Variants in TC2N observed in about 807,000 individuals in gnomAD.
TC2N encodes the protein tandem C2 domains, nuclear.
TC2N carries 51 observed loss-of-function variants against 61.9 expected under a neutral mutation model. The ratio of observed to expected loss-of-function variants is 0.82; its 90% confidence interval spans 0.66 to 1.04. The LOEUF is 1.04. TC2N is among the 50% of genes least tolerant of loss of function. TC2N has a pLI of 0.00. For missense variants in TC2N, 556 were observed against 566.7 expected (o/e 0.98, Z 0.19); for synonymous variants, 204 against 192.6 (o/e 1.06, Z -0.49).
chr14:91,847,193 G>T (rs1888288115), intron 1 of TC2N, among the ~76,000 whole-genome samples: 1 of 151,722 alleles, frequency 6.6e-6, no homozygotes, highest in African/African-American at 2.4e-5. Context: ...GGGAGGCAGA[G>T]GTTGCAGTGA....
At chr14:91,853,666 ACACACACAC>A (rs1888422210) in intron 1 of TC2N, among the ~76,000 whole-genome samples, 2 of 43,418 alleles carry the variant, frequency 4.6e-5, no homozygotes, top group Non-Finnish European at 9.8e-5. Flanking sequence ...ACACACACAC[ACACACACAC>A]ACACACACAC....
chr14:91,853,036 A>G (rs1888406166), intron 1 of TC2N, among the ~76,000 whole-genome samples: 1 of 152,192 alleles, frequency 6.6e-6, no homozygotes, highest in Non-Finnish European at 1.5e-5. Flanking sequence ...CCGCCACTGC[A>G]CTCCAGCCTG....
At chr14:91,864,446 T>C (rs10142528) in intron 1 of TC2N, among the ~76,000 whole-genome samples, 27,042 of 152,138 alleles carry the variant, frequency 0.18, 2,448 homozygotes, top group African/African-American at 0.21. Context: ...CCACACTCGC[T>C]TTAGGGATAA....
intron 1 of TC2N, among the ~76,000 whole-genome samples, chr14:91,831,961 T>C (rs1026633364): frequency 6.6e-6 from 1 of 152,106 alleles, no homozygotes; most frequent in Non-Finnish European, 1.5e-5. Context: ...CAACTATATA[T>C]AAAACGTGTT....
intron 1 of TC2N, among the ~76,000 whole-genome samples, chr14:91,852,915 C>A (rs1888403450): frequency 6.6e-6 from 1 of 151,830 alleles, no homozygotes; most frequent in Non-Finnish European, 1.5e-5. Context: ...ACTAAAAATA[C>A]AAAAAATTAG....
intron 1 of TC2N, among the ~76,000 whole-genome samples, chr14:91,831,022 T>G (rs190295216): frequency 1.8e-4 from 28 of 152,334 alleles, no homozygotes; most frequent in Admixed American, 1.6e-3. Context: ...ATATACCAAG[T>G]GCCTATTCAA....
At chr14:91,857,476 G>A (rs1888504991) in intron 1 of TC2N, among the ~76,000 whole-genome samples, 2 of 152,204 alleles carry the variant, frequency 1.3e-5, no homozygotes, top group South Asian at 4.1e-4. Flanking sequence ...CGTGAAGAAA[G>A]ATGTAGGGGC....
chr14:91,797,419 T>C (rs937180760), intron 8 of TC2N, among the ~76,000 whole-genome samples: 1 of 151,946 alleles, frequency 6.6e-6, no homozygotes, highest in Non-Finnish European at 1.5e-5. Flanking sequence ...GTTATACTAA[T>C]TGGAAATATT....
chr14:91,862,508 C>T (rs1050593204), intron 1 of TC2N, among the ~76,000 whole-genome samples: 4 of 152,128 alleles, frequency 2.6e-5, no homozygotes, highest in South Asian at 4.1e-4. Context: ...AGCAAAGGAG[C>T]GGAGTGGGGC....
chr14:91,825,026 C>A (rs796209678), intron 1 of TC2N, among the ~76,000 whole-genome samples: 13 of 66,860 alleles, frequency 1.9e-4, no homozygotes, highest in Non-Finnish European at 2.8e-4. Context: ...TTTTTCTTTT[C>A]TTTTTTTTTT....
At chr14:91,797,705 G>T (rs1885963955) in intron 8 of TC2N, 80 bp downstream of exon 8, 2 of 932,120 alleles carry the variant, frequency 2.1e-6, no homozygotes, top group South Asian at 1.5e-5. Flanking sequence ...TTCTTATTCT[G>T]ACTTGTTTAC....
chr14:91,798,422 T>C (rs1003721796), intron 6 of TC2N, 23 bp from the exon 7 acceptor site: 5 of 1,294,400 alleles, frequency 3.9e-6, no homozygotes, highest in Non-Finnish European at 4.4e-6. Flanking sequence ...AGGACAAAGA[T>C]GTTTCAAATG....
chr14:91,851,341 T>C (rs1361194863), intron 1 of TC2N, among the ~76,000 whole-genome samples: 1 of 152,196 alleles, frequency 6.6e-6, no homozygotes, highest in Admixed American at 6.5e-5. Context: ...ACAATTTCAG[T>C]GTCATGAACA....
intron 3 of TC2N, among the ~76,000 whole-genome samples, chr14:91,811,133 GA>G (rs1886747413): frequency 6.6e-6 from 1 of 152,062 alleles, no homozygotes; most frequent in African/African-American, 2.4e-5. Flanking sequence ...GCCAAAAGAA[GA>G]AAACTGTAAA....
chr14:91,853,427 C>T (rs1405683595), intron 1 of TC2N, among the ~76,000 whole-genome samples: 3 of 152,138 alleles, frequency 2.0e-5, no homozygotes, highest in East Asian at 1.9e-4. Flanking sequence ...ATGTTCACTG[C>T]GATAATGGCA....
At chr14:91,854,678 C>G (rs1320260657) in intron 1 of TC2N, among the ~76,000 whole-genome samples, 1 of 152,176 alleles carries the variant, frequency 6.6e-6, no homozygotes, top group African/African-American at 2.4e-5. Flanking sequence ...TTTAGTATCT[C>G]CTTGAAGCAC....
chr14:91,859,135 G>A (rs554057591), intron 1 of TC2N, among the ~76,000 whole-genome samples: 6 of 152,202 alleles, frequency 3.9e-5, no homozygotes, highest in Non-Finnish European at 7.4e-5. Flanking sequence ...CCCAGAGCTC[G>A]GTCTCTAGCA....
intron 1 of TC2N, among the ~76,000 whole-genome samples, chr14:91,853,156 A>C (rs137944735): frequency 6.6e-6 from 1 of 152,322 alleles, no homozygotes; most frequent in East Asian, 1.9e-4. Context: ...ATAGGCTGAG[A>C]AGCCATTGGA....
chr14:91,863,605 G>C (rs1234318003), intron 1 of TC2N, among the ~76,000 whole-genome samples: 1 of 152,130 alleles, frequency 6.6e-6, no homozygotes, highest in African/African-American at 2.4e-5. Flanking sequence ...GGGAAGCTTT[G>C]TCAAAAGACT....
Sources: allele counts gnomAD v4.1 joint callset (sites outside exome capture counted in the v4.1 genomes callset), GRCh38; gene constraint gnomAD v4.1.1; transcripts MANE v1.5; gene names NCBI Gene and HGNC (gene_info 2026-07-23, HGNC 2026-07-21).